PARD3B: variants seen among roughly 807,000 people sequenced by gnomAD.
PARD3B encodes partitioning defective 3 homolog B.
In PARD3B, 103 loss-of-function variants were observed where a neutral mutation model predicts 130.2. That is an observed-to-expected ratio of 0.79 (90% CI 0.67 to 0.93). The LOEUF (loss-of-function observed/expected upper bound fraction) is 0.93, where lower values mean the gene tolerates loss of function less well. Among genes scored for constraint, PARD3B ranks in the 40% least tolerant of loss-of-function variants. PARD3B has a pLI of 0.00. For synonymous variants in PARD3B, 583 were observed against 553.2 expected (o/e 1.05, Z -0.76); for missense variants, 1,609 against 1,499.2 (o/e 1.07, Z -1.21).
At chr2:204,739,940 T>C (rs974638092) in intron 2 of PARD3B, among the ~76,000 whole-genome samples, 19 of 146,682 alleles carry the variant, frequency 1.3e-4, no homozygotes, top group East Asian at 4.0e-4. Context: ...ACAATGCCCC[T>C]TTTTTTTTTG....
At position 205,567,692 on chromosome 2, in the gene PARD3B, T is replaced by G. The variant is rs548757394; in HGVS notation, c.3260+14289T>G. Reference sequence around the variant, plus strand: ...CATTCTCATAATTTTCCAGTATCAATTCAAAAGTTTAAAAAGTCCTCATTT... The same window carrying G: ...CATTCTCATAATTTTCCAGTATCAAGTCAAAAGTTTAAAAAGTCCTCATTT... On this transcript the variant is annotated intron_variant, in intron 22 of 22. Coordinates refer to ENST00000406610, the MANE Select transcript of PARD3B (RefSeq NM_001302769.2). Among the ~76,000 whole-genome samples the G allele has an allele frequency of 7.8e-4, 119 of 151,680 alleles. 1 individual carries two copies. The highest frequency in any genetic ancestry group is 1.4e-3 in the Non-Finnish European group (95 of 67,856).
At chr2:204,758,232 C>A (rs975330535) in intron 2 of PARD3B, among the ~76,000 whole-genome samples, 15 of 152,024 alleles carry the variant, frequency 9.9e-5, no homozygotes, top group African/African-American at 3.6e-4. Context: ...GAAGGAAACC[C>A]GAAAGCTCAG....
At chr2:204,668,765 A>G (rs1346250913) in intron 1 of PARD3B, among the ~76,000 whole-genome samples, 1 of 152,202 alleles carries the variant, frequency 6.6e-6, no homozygotes, top group Non-Finnish European at 1.5e-5. Flanking sequence ...GAACATTTGT[A>G]TATGTGATGT....
At chr2:205,018,860 C>A (rs1696374467) in intron 3 of PARD3B, among the ~76,000 whole-genome samples, 1 of 134,914 alleles carries the variant, frequency 7.4e-6, no homozygotes, top group African/African-American at 2.7e-5. Flanking sequence ...CATCACCAGC[C>A]CTCATCTGCA....
Position 205,125,565 on chromosome 2 carries a change from A to G in PARD3B, c.1306-44A>G. The G allele has an allele frequency of 6.3e-7, 1 of 1,597,982 alleles. No individual in the cohort carries two copies. Among genetic ancestry groups the G allele is most frequent in the East Asian group, 2.2e-5 (1 of 44,554 alleles). On this transcript the variant is annotated intron_variant, in intron 9 of 22. Coordinates refer to ENST00000406610, the MANE Select transcript of PARD3B (RefSeq NM_001302769.2). This position sits in a 1 kb window ranked among gnomAD's most constrained non-coding sequence, Gnocchi z 4.0. ...AAACTATCTAGTGTAGAAGGAGATAACAAGTATTGTGATTGTGGCTGTTCA... is the reference window on the plus strand; with the variant it reads ...AAACTATCTAGTGTAGAAGGAGATAGCAAGTATTGTGATTGTGGCTGTTCA...
chr2:204,575,517 C>T (rs1049238580), intron 1 of PARD3B, among the ~76,000 whole-genome samples: 2 of 152,218 alleles, frequency 1.3e-5, no homozygotes, highest in African/African-American at 2.4e-5. Context: ...CTCTTCCATT[C>T]GTTGATACAG....
At chr2:205,279,074 A>AC (rs2041076929) in intron 16 of PARD3B, among the ~76,000 whole-genome samples, 1 of 148,142 alleles carries the variant, frequency 6.8e-6, no homozygotes, top group Non-Finnish European at 1.5e-5. Context: ...CTGTCTCAAA[A>AC]AAAAAAAAAA....
chr2:204,738,775 C>A (rs968363140), intron 2 of PARD3B, among the ~76,000 whole-genome samples: 8 of 152,202 alleles, frequency 5.3e-5, no homozygotes, highest in Admixed American at 1.3e-4. Context: ...ATTTCCCTTT[C>A]ATCGGCAAAT....
chr2:204,704,771 T>G (rs1242157836), intron 2 of PARD3B, among the ~76,000 whole-genome samples: 2 of 152,206 alleles, frequency 1.3e-5, no homozygotes, highest in African/African-American at 4.8e-5. Context: ...GTGCTACTCT[T>G]ATATATTGAG....
chr2:204,666,822 A>T (rs546041930), intron 1 of PARD3B, among the ~76,000 whole-genome samples: 1 of 152,126 alleles, frequency 6.6e-6, no homozygotes, highest in Non-Finnish European at 1.5e-5. Flanking sequence ...GTAATAAGTC[A>T]TGGTAGAAAT....
intron 18 of PARD3B, among the ~76,000 whole-genome samples, chr2:205,318,384 TC>T (rs1232923930): frequency 1.3e-5 from 2 of 152,182 alleles, no homozygotes; most frequent in Non-Finnish European, 2.9e-5. Context: ...GATGTCATTG[TC>T]CCCTCCCTAG....
intron 2 of PARD3B, among the ~76,000 whole-genome samples, chr2:204,785,537 T>C (rs1291930085): frequency 3.3e-5 from 5 of 152,168 alleles, no homozygotes; most frequent in African/African-American, 1.2e-4. Context: ...GTTGGATAGA[T>C]ACTCCTGCCA....
chr2:204,602,064 G>C (rs1041490325), intron 1 of PARD3B, among the ~76,000 whole-genome samples: 1 of 151,998 alleles, frequency 6.6e-6, no homozygotes, highest in African/African-American at 2.4e-5. Context: ...ATCTAGGGTA[G>C]ATAGCCCCAT....
intron 2 of PARD3B, among the ~76,000 whole-genome samples, chr2:204,787,549 A>G (rs1472719422): frequency 1.3e-5 from 2 of 152,118 alleles, no homozygotes; most frequent in Non-Finnish European, 2.9e-5. Context: ...ATTTCTGGAG[A>G]GTCGACATGA....
Position 204,830,758 on chromosome 2 carries a change from A to G in PARD3B, c.223-134394A>G, listed in dbSNP as rs180828681. 2.1e-3 allele frequency among the ~76,000 whole-genome samples: 319 copies of G among 152,278 alleles called. 1 individual carries two copies. Among genetic ancestry groups the G allele is most frequent in the African/African-American group, 7.3e-3 (305 of 41,560 alleles). The stretch of plus-strand genomic sequence containing the variant: ...TGATAACAGCTGTCCAGCTTGGAGG[A>G]ACTTTCTGTTCCAATCTTTAGGGAA... On this transcript the variant is annotated intron_variant, in intron 2 of 22. Transcript: ENST00000406610.
chr2:204,797,162 G>A (rs1278506083), intron 2 of PARD3B, among the ~76,000 whole-genome samples: 3 of 129,854 alleles, frequency 2.3e-5, no homozygotes, highest in African/African-American at 6.1e-5. Context: ...GAGACAGAGC[G>A]AGACTCTGTC....
chr2:205,265,727 C>T lies in PARD3B; in HGVS notation c.2185+19905C>T, dbSNP rs781071556. ...TTAATATTCAGTGCTCTTTTTAACA[C>T]GATATTTATTAGGTGCAAGTTACAT... On this transcript the variant is annotated intron_variant, in intron 16 of 22. Transcript: ENST00000406610. This position sits in a 1 kb window ranked among gnomAD's most constrained non-coding sequence, Gnocchi z 4.3. 4.6e-5 allele frequency among the ~76,000 whole-genome samples: 7 copies of T among 151,802 alleles called. No individual in the cohort carries two copies. Among genetic ancestry groups the T allele is most frequent in the Non-Finnish European group, 8.8e-5 (6 of 67,898 alleles).
intron 15 of PARD3B, among the ~76,000 whole-genome samples, chr2:205,205,471 T>A (rs2037236564): frequency 6.6e-6 from 1 of 152,198 alleles, no homozygotes; most frequent in African/African-American, 2.4e-5. Flanking sequence ...GGCCAGAACT[T>A]CCAATACTAT....
intron 14 of PARD3B, among the ~76,000 whole-genome samples, chr2:205,191,471 G>C (rs1056148352): frequency 6.6e-6 from 1 of 152,138 alleles, no homozygotes; most frequent in Non-Finnish European, 1.5e-5. Context: ...GACTTGCTGA[G>C]AGTCTGACAA....
Sources: gnomAD v4.1 joint callset for allele counts (sites outside exome capture counted in the v4.1 genomes callset) on GRCh38, gnomAD v4.1.1 for gene constraint, Gnocchi (gnomAD v3.1) non-coding constraint, MANE v1.5 for transcripts, NCBI Gene and HGNC (gene_info 2026-07-23, HGNC 2026-07-21) for gene names.